The following SH3RF2 variants were observed in gnomAD, a reference collection of about 807,000 sequenced individuals.
SH3RF2 encodes the protein SH3 domain containing ring finger 2.
SH3RF2 carries 43 observed loss-of-function variants against 59.0 expected under a neutral mutation model. That is an observed-to-expected ratio of 0.73 (90% confidence interval 0.57 to 0.94). The LOEUF is 0.94. Ranked by LOEUF, SH3RF2 falls within the 40% of genes least tolerant of loss-of-function variation. The probability of loss-of-function intolerance (pLI) is 0.00; values close to 1 mark genes in which losing one functional copy is unlikely to be tolerated. For synonymous variants in SH3RF2, 391 were observed against 391.5 expected (o/e 1.00, Z 0.01); for missense variants, 930 against 940.1 (o/e 0.99, Z 0.14).
intron 2 of SH3RF2, among the ~76,000 whole-genome samples, chr5:145,967,964 G>A (rs989359376): frequency 2.6e-5 from 4 of 151,374 alleles, no homozygotes; most frequent in Non-Finnish European, 4.4e-5. Flanking sequence ...CCAGCCCTAC[G>A]GTGAGTTATT....
Position 146,056,049 on chromosome 5 carries a change from C to G in SH3RF2, c.1391C>G (p.Ser464Cys), listed in dbSNP as rs139966200. ...ACCACATGGACGTTATCCACCTCCT[C>G]TGTGTCCTCCCAAGGCAGCATTTCA... Reference protein sequence around the residue: ...LYTTWTLSTSSVSSQGSISEG... With the variant: ...LYTTWTLSTSCVSSQGSISEG... Residue 464 changes from serine (S) to cysteine (C), a missense_variant, in exon 8 of 10, where the codon TCT becomes TGT. Physicochemically the swap from Ser to Cys is moderately radical, Grantham distance 112. Coordinates refer to ENST00000359120, the MANE Select transcript of SH3RF2 (RefSeq NM_152550.4). 8.7e-6 allele frequency: 14 copies of G among 1,614,134 alleles called. No homozygotes were observed. The highest frequency in any genetic ancestry group is 1.2e-5 in the Non-Finnish European group (14 of 1,180,046).
At chr5:145,958,113 C>CA (rs370158410) in intron 2 of SH3RF2, among the ~76,000 whole-genome samples, 1,493 of 137,550 alleles carry the variant, frequency 0.011, 18 homozygotes, top group African/African-American at 0.029. Context: ...AACTCCATCT[C>CA]AAAAAAAAAA....
Position 146,056,251 on chromosome 5 carries a change from TG to T in SH3RF2, c.1555+39del, listed in dbSNP as rs201948921. 1,627 of 1,613,362 alleles carry T rather than the reference TG, an allele frequency of 1.0e-3. 17 individuals are homozygous for T. The African/African-American group carries it at 0.014, about 14-fold the overall frequency. On this transcript the variant is annotated intron_variant, in intron 8 of 9. Coordinates refer to ENST00000359120, the MANE Select transcript of SH3RF2 (RefSeq NM_152550.4). ...AGAGAGGTACGTGCCTAGAGCTAAG[TG>T]ATGGGGGGAATCTGACCCAGGGGTA...
At chr5:145,959,625 G>A (rs1452121472) in intron 2 of SH3RF2, among the ~76,000 whole-genome samples, 7 of 150,008 alleles carry the variant, frequency 4.7e-5, no homozygotes, top group African/African-American at 1.5e-4. Context: ...ATGTGTGTGT[G>A]TGTGTGTGTG....
In SH3RF2 at chr5:146,014,076, C is replaced by A. The variant is rs772703508; in HGVS notation, c.1059+15C>A. On this transcript the variant is annotated intron_variant, in intron 5 of 9. Coordinates refer to ENST00000359120, the MANE Select transcript of SH3RF2 (RefSeq NM_152550.4). The stretch of plus-strand genomic sequence containing the variant: ...GTGTGGGACAGGTAGGGAAGAAACG[C>A]CTGGGATGAGGGCACTTTGGAGTTG... 24 of 1,609,742 alleles carry A rather than the reference C, an allele frequency of 1.5e-5. No homozygotes were observed. In the Admixed American group the frequency reaches 4.1e-4, roughly 28 times the overall value.
chr5:146,036,602 C>T lies in SH3RF2; in HGVS notation c.1060-11170C>T, dbSNP rs181251640. ...CCCAGCTATTCTGGAGGCTGAGGCA[C>T]GAGAATTGCTGGAACATGGCAGGCA... On this transcript the variant is annotated intron_variant, in intron 5 of 9. Coordinates refer to ENST00000359120, the MANE Select transcript of SH3RF2 (RefSeq NM_152550.4). 3.9e-5 allele frequency among the ~76,000 whole-genome samples: 6 copies of T among 152,120 alleles called. No individual in the cohort carries two copies. The East Asian group carries it at 9.7e-4, about 25-fold the overall frequency.
intron 8 of SH3RF2, among the ~76,000 whole-genome samples, chr5:146,057,991 T>G (rs571128746): frequency 1.3e-5 from 2 of 150,534 alleles, no homozygotes; most frequent in East Asian, 3.9e-4. Flanking sequence ...TATCTATATA[T>G]ATATATTTGA....
At chr5:145,999,331 A>G (rs1242221718) in intron 2 of SH3RF2, among the ~76,000 whole-genome samples, 2 of 152,138 alleles carry the variant, frequency 1.3e-5, no homozygotes, top group African/African-American at 4.8e-5. Flanking sequence ...CTTTCTCCAT[A>G]TCGGCAATAA....
At chr5:146,015,733 C>CA (rs1338816561) in intron 5 of SH3RF2, among the ~76,000 whole-genome samples, 2 of 152,182 alleles carry the variant, frequency 1.3e-5, no homozygotes, top group African/African-American at 4.8e-5. Context: ...TAGTAGGATT[C>CA]AAAACAAGTA....
chr5:146,000,066 A>G lies in SH3RF2; in HGVS notation c.387A>G (p.Arg129=). The change falls in exon 3 of 10, where the codon CGA becomes CGG. Residue 129 remains arginine (R), a synonymous_variant. Transcript: ENST00000359120. The part of the protein sequence containing the change: ...NVRIHMDGVP[R]AKALCNYRGQ... Reference sequence around the variant, plus strand: ...GGTCTGTGCCATTGCAGGTGCCTCGAGCAAAGGCCTTATGCAACTACAGAG... The same window carrying G: ...GGTCTGTGCCATTGCAGGTGCCTCGGGCAAAGGCCTTATGCAACTACAGAG... 3 of 1,612,534 alleles carry G rather than the reference A, an allele frequency of 1.9e-6. No homozygotes were observed. Among genetic ancestry groups the G allele is most frequent in the Non-Finnish European group, 2.5e-6 (3 of 1,179,378 alleles).
intron 2 of SH3RF2, among the ~76,000 whole-genome samples, chr5:145,945,787 C>T (rs1203982851): frequency 2.0e-5 from 3 of 152,160 alleles, no homozygotes; most frequent in Non-Finnish European, 4.4e-5. Flanking sequence ...TAAAGTCTCT[C>T]CAGCAGCCCT....
At chr5:145,961,787 C>T (rs943550124) in intron 2 of SH3RF2, among the ~76,000 whole-genome samples, 1 of 152,176 alleles carries the variant, frequency 6.6e-6, no homozygotes, top group African/African-American at 2.4e-5. Flanking sequence ...TTTATCTGCT[C>T]TATTGTAGGA....
intron 5 of SH3RF2, among the ~76,000 whole-genome samples, chr5:146,024,604 T>C (rs764666804): frequency 6.6e-6 from 1 of 152,230 alleles, no homozygotes; most frequent in Non-Finnish European, 1.5e-5. Flanking sequence ...GCTTTTGTTG[T>C]CATATCTAAA....
At chr5:145,967,085 A>G (rs928789751) in intron 2 of SH3RF2, among the ~76,000 whole-genome samples, 24 of 152,200 alleles carry the variant, frequency 1.6e-4, no homozygotes, top group African/African-American at 5.5e-4. Context: ...CTTCAAAGGA[A>G]TAAGAACTCT....
intron 2 of SH3RF2, among the ~76,000 whole-genome samples, chr5:145,976,443 GA>G (rs113776416): frequency 0.015 from 2,083 of 138,438 alleles, 41 homozygotes; most frequent in African/African-American, 0.046. Context: ...AATTAAGAAG[GA>G]AAAAAAAAAA....
intron 2 of SH3RF2, among the ~76,000 whole-genome samples, chr5:145,964,582 C>T (rs1297186134): frequency 3.3e-5 from 5 of 152,152 alleles, no homozygotes; most frequent in South Asian, 2.1e-4. Flanking sequence ...GTTGGGATTA[C>T]GGGCGTGAGC....
intron 2 of SH3RF2, among the ~76,000 whole-genome samples, chr5:145,984,072 ATTTG>A (rs1759608553): frequency 6.6e-6 from 1 of 152,068 alleles, no homozygotes; most frequent in African/African-American, 2.4e-5. Flanking sequence ...TTACTCTTCC[ATTTG>A]TTTGTTTAAC....
chr5:145,938,083 G>A lies in SH3RF2; in HGVS notation c.155G>A (p.Cys52Tyr), dbSNP rs1440772268. The change falls in exon 2 of 10, where the codon TGC becomes TAC. Residue 52 changes from cysteine to tyrosine, a missense_variant. Transcript: ENST00000359120. ...KAHKELRCPE[C>Y]RTPVFSNIEA... is the part of the protein sequence containing the mutation. ...CACAAAGAGCTGCGGTGCCCCGAAT[G>A]CAGGACGCCTGTGTTTTCCAACATT... 2 of 1,614,238 alleles carry A rather than the reference G, an allele frequency of 1.2e-6. No homozygotes were observed. Among genetic ancestry groups the A allele is most frequent in the African/African-American group, 1.3e-5 (1 of 75,054 alleles).
chr5:146,008,610 G>A (rs536030144), intron 4 of SH3RF2, among the ~76,000 whole-genome samples: 153 of 152,228 alleles, frequency 1.0e-3, no homozygotes, highest in Admixed American at 4.3e-3. Flanking sequence ...CGAAATAGCA[G>A]CTGAAACGAG....
Sources: gnomAD v4.1 joint callset for allele counts (sites outside exome capture counted in the v4.1 genomes callset) on GRCh38, gnomAD v4.1.1 for gene constraint, MANE v1.5 for transcripts, NCBI Gene and HGNC (gene_info 2026-07-23, HGNC 2026-07-21) for gene names.